NLGN1: variants seen among roughly 807,000 people sequenced by gnomAD.
NLGN1 encodes the protein neuroligin-1.
A neutral mutation model predicts 65.5 loss-of-function variants in NLGN1; 12 were observed. The ratio of observed to expected loss-of-function variants is 0.18; its 90% CI spans 0.12 to 0.30. The LOEUF is 0.30. Ranked by LOEUF, NLGN1 falls within the 10% of genes least tolerant of loss-of-function variation. The probability of loss-of-function intolerance (pLI) is 1.00; values close to 1 mark genes in which losing one functional copy is unlikely to be tolerated. For missense variants in NLGN1, 750 were observed against 1,007.1 expected (o/e 0.74, Z 3.46); for synonymous variants, 350 against 359.5 (o/e 0.97, Z 0.30).
chr3:174,212,174 T>C (rs1329891752), intron 4 of NLGN1, among the ~76,000 whole-genome samples: 4 of 152,210 alleles, frequency 2.6e-5, no homozygotes, highest in African/African-American at 4.8e-5. Context: ...GGGCCGGCAC[T>C]GCTGGGGGAC....
chr3:174,025,147 A>G (rs570395713), intron 4 of NLGN1, among the ~76,000 whole-genome samples: 1 of 152,316 alleles, frequency 6.6e-6, no homozygotes, highest in Admixed American at 6.5e-5. Flanking sequence ...TCATAAATTT[A>G]TGTAGAATTT....
At chr3:173,674,433 A>C (rs1226365099) in intron 3 of NLGN1, among the ~76,000 whole-genome samples, 1 of 150,318 alleles carries the variant, frequency 6.7e-6, no homozygotes, top group Admixed American at 6.7e-5. Flanking sequence ...TAGCTTGTCC[A>C]AAAAAAAAAT....
chr3:173,699,282 C>G (rs1766739852), intron 3 of NLGN1, among the ~76,000 whole-genome samples: 1 of 152,110 alleles, frequency 6.6e-6, no homozygotes, highest in African/African-American at 2.4e-5. Flanking sequence ...AGAACACAAA[C>G]TAAATGTTAC....
At chr3:174,138,030 C>T (rs1490235899) in intron 4 of NLGN1, among the ~76,000 whole-genome samples, 2 of 152,146 alleles carry the variant, frequency 1.3e-5, no homozygotes, top group African/African-American at 2.4e-5. Context: ...AGAAATGACA[C>T]TATTTTCTAG....
intron 3 of NLGN1, among the ~76,000 whole-genome samples, chr3:173,747,233 A>C (rs925748203): frequency 2.1e-4 from 30 of 146,328 alleles, no homozygotes; most frequent in African/African-American, 7.2e-4. Context: ...ATTTAAATAT[A>C]TATATCTTTA....
At chr3:173,473,132 G>C (rs1205150073) in intron 2 of NLGN1, among the ~76,000 whole-genome samples, 1 of 152,132 alleles carries the variant, frequency 6.6e-6, no homozygotes, top group Non-Finnish European at 1.5e-5. Flanking sequence ...CCCCACAACA[G>C]AAATCCCACA....
At chr3:174,273,303 TC>T (rs1749836401) in intron 4 of NLGN1, among the ~76,000 whole-genome samples, 1 of 151,664 alleles carries the variant, frequency 6.6e-6, no homozygotes, top group African/African-American at 2.4e-5. Context: ...TCTCTCTCTC[TC>T]TCACACGCAC....
downstream of NLGN1, among the ~76,000 whole-genome samples, chr3:174,288,983 C>G (rs1221001009): frequency 6.6e-6 from 1 of 151,380 alleles, no homozygotes; most frequent in Non-Finnish European, 1.5e-5. Flanking sequence ...CTATTAAATT[C>G]TACCTCATTA....
Position 174,279,196 on chromosome 3 carries a change from A to T in NLGN1, c.1195A>T (p.Ile399Leu). The change falls in exon 6 of 7, where the codon ATA (isoleucine) becomes TTA (leucine). Residue 399 changes from isoleucine to leucine, a missense_variant. Ile to Leu is a conservative substitution (Grantham distance 5, BLOSUM62 2). Coordinates refer to ENST00000457714, the Ensembl canonical transcript of NLGN1. This position sits in a 1 kb window ranked among gnomAD's most constrained non-coding sequence, Gnocchi z 4.7. ...GGAAGGGTTAAAATTTGTTGAAAAT[A>T]TAGTAGATAGCGATGATGGTATATC... 6.2e-7 allele frequency: 1 copy of T among 1,613,340 alleles called. No homozygotes were observed. The highest frequency in any genetic ancestry group is 8.5e-7 in the Non-Finnish European group (1 of 1,179,548).
At chr3:174,191,994 A>G (rs1425051956) in intron 4 of NLGN1, among the ~76,000 whole-genome samples, 1 of 152,182 alleles carries the variant, frequency 6.6e-6, no homozygotes, top group African/African-American at 2.4e-5. Context: ...GTTTGACAGA[A>G]GTCTATGAAA....
At chr3:174,239,320 C>T (rs1310878973) in intron 4 of NLGN1, among the ~76,000 whole-genome samples, 2 of 152,184 alleles carry the variant, frequency 1.3e-5, no homozygotes, top group East Asian at 3.9e-4. Context: ...CCTCCCACGT[C>T]GGCTTCCCAA....
chr3:173,734,344 GAATTATATCAGAT>G (rs1338753849), intron 3 of NLGN1, among the ~76,000 whole-genome samples: 2 of 139,204 alleles, frequency 1.4e-5, no homozygotes, highest in Non-Finnish European at 3.1e-5. Flanking sequence ...AGTCTATTGA[GAATTATATCAGAT>G]AATTAGATTC....
At chr3:173,407,607 G>A (rs763107159) in intron 1 of NLGN1, among the ~76,000 whole-genome samples, 12 of 152,146 alleles carry the variant, frequency 7.9e-5, no homozygotes, top group Non-Finnish European at 1.6e-4. Context: ...AGTGGAGGAG[G>A]TATTATTTAA....
intron 4 of NLGN1, among the ~76,000 whole-genome samples, chr3:173,857,626 C>T (rs16831160): frequency 0.039 from 5,876 of 151,894 alleles, 190 homozygotes; most frequent in Middle Eastern, 0.095. Flanking sequence ...TCCTGGATTG[C>T]GAAAAGAGGG....
chr3:174,201,266 GAAGGA>G (rs909860928), intron 4 of NLGN1, among the ~76,000 whole-genome samples: 14 of 138,834 alleles, frequency 1.0e-4, no homozygotes, highest in East Asian at 2.4e-4. Context: ...ACAGGAACAG[GAAGGA>G]AAGGAAAGGA....
chr3:173,944,245 C>G (rs551349371), intron 4 of NLGN1, among the ~76,000 whole-genome samples: 1 of 151,464 alleles, frequency 6.6e-6, no homozygotes, highest in Admixed American at 6.6e-5. Context: ...ATAAGGTGTA[C>G]TCGTATTTTA....
the NLGN1 span, among the ~76,000 whole-genome samples, chr3:174,292,363 T>C: frequency 1.3e-5 from 2 of 151,216 alleles, no homozygotes; most frequent in Non-Finnish European, 3.0e-5. Context: ...CTGGAACATT[T>C]TGTCAAAGAC....
chr3:173,772,933 CTT>C (rs1455496593), intron 3 of NLGN1, among the ~76,000 whole-genome samples: 1 of 152,190 alleles, frequency 6.6e-6, no homozygotes, highest in East Asian at 1.9e-4. Context: ...ACCCCAAACT[CTT>C]TTTGCAAAAG....
At chr3:173,860,765 C>A (rs998996721) in intron 4 of NLGN1, among the ~76,000 whole-genome samples, 21 of 152,150 alleles carry the variant, frequency 1.4e-4, no homozygotes, top group Admixed American at 1.4e-3. Context: ...TTCATCATAA[C>A]CTTATTCTTA....
Sources: allele counts gnomAD v4.1 joint callset (sites outside exome capture counted in the v4.1 genomes callset), GRCh38; gene constraint gnomAD v4.1.1; non-coding constraint Gnocchi (gnomAD v3.1); transcripts MANE v1.5; gene names NCBI Gene and HGNC (gene_info 2026-07-23, HGNC 2026-07-21).